Variants in PTPRM observed in about 807,000 individuals in gnomAD.
PTPRM encodes receptor-type tyrosine-protein phosphatase mu.
A neutral mutation model predicts 186.7 loss-of-function variants in PTPRM; 47 were observed. The ratio of observed to expected loss-of-function variants is 0.25; its 90% CI spans 0.20 to 0.32. The LOEUF (loss-of-function observed/expected upper bound fraction) is 0.32. Ranked by LOEUF, PTPRM falls within the 10% of genes least tolerant of loss-of-function variation. The pLI is 1.00. For missense variants in PTPRM, 1,494 were observed against 1,865.0 expected (o/e 0.80, Z 3.66); for synonymous variants, 668 against 674.9 (o/e 0.99, Z 0.16).
At chr18:8,261,452 A>C (rs1212608770) in intron 19 of PTPRM, among the ~76,000 whole-genome samples, 1 of 152,164 alleles carries the variant, frequency 6.6e-6, no homozygotes, top group Non-Finnish European at 1.5e-5. Context: ...TATTTGGGCA[A>C]GTAAGGTGTA....
chr18:7,711,947 G>A (rs919243725), intron 1 of PTPRM, among the ~76,000 whole-genome samples: 1 of 152,186 alleles, frequency 6.6e-6, no homozygotes, highest in African/African-American at 2.4e-5. Context: ...GAACTGAAGA[G>A]AGCAGCAAAT....
intron 1 of PTPRM, among the ~76,000 whole-genome samples, chr18:7,722,431 G>A (rs896275104): frequency 2.0e-5 from 3 of 151,874 alleles, no homozygotes; most frequent in Non-Finnish European, 2.9e-5. Flanking sequence ...ACTGTACACC[G>A]TACACCATCA....
chr18:7,930,595 A>C (rs918048032), intron 5 of PTPRM, among the ~76,000 whole-genome samples: 2 of 152,166 alleles, frequency 1.3e-5, no homozygotes, highest in Non-Finnish European at 2.9e-5. Flanking sequence ...ACTCTACTAT[A>C]CCGTCTTGTT....
intron 14 of PTPRM, among the ~76,000 whole-genome samples, chr18:8,216,272 A>G (rs1020231578): frequency 4.6e-5 from 7 of 152,168 alleles, no homozygotes; most frequent in East Asian, 3.8e-4. Flanking sequence ...AATTGTCCCA[A>G]TGACTTCAAA....
chr18:8,122,780 A>G (rs1306145313), intron 13 of PTPRM, among the ~76,000 whole-genome samples: 1 of 152,202 alleles, frequency 6.6e-6, no homozygotes, highest in African/African-American at 2.4e-5. Flanking sequence ...GGCTGCCAGT[A>G]GTATTAAACG....
intron 1 of PTPRM, among the ~76,000 whole-genome samples, chr18:7,610,471 C>T (rs1156729932): frequency 2.0e-5 from 3 of 151,944 alleles, no homozygotes; most frequent in Non-Finnish European, 4.4e-5. Flanking sequence ...TATTTTTCTT[C>T]AAAAATTTTC....
At chr18:7,707,652 A>G (rs1568042945) in intron 1 of PTPRM, among the ~76,000 whole-genome samples, 1 of 152,072 alleles carries the variant, frequency 6.6e-6, no homozygotes, top group African/African-American at 2.4e-5. Context: ...ATAATAAATA[A>G]TGAATACATA....
At chr18:7,616,678 G>C (rs1421206939) in intron 1 of PTPRM, among the ~76,000 whole-genome samples, 1 of 152,136 alleles carries the variant, frequency 6.6e-6, no homozygotes, top group African/African-American at 2.4e-5. Context: ...TCCCATCCCT[G>C]GCTTGGTTTC....
At chr18:8,115,753 G>A (rs2091931330) in intron 13 of PTPRM, among the ~76,000 whole-genome samples, 1 of 152,108 alleles carries the variant, frequency 6.6e-6, no homozygotes, top group South Asian at 2.1e-4. Flanking sequence ...ACTTTTTGTT[G>A]TTGTTTAACT....
At chr18:8,054,542 G>A (rs2087773631) in intron 7 of PTPRM, among the ~76,000 whole-genome samples, 1 of 151,378 alleles carries the variant, frequency 6.6e-6, no homozygotes, top group Non-Finnish European at 1.5e-5. Flanking sequence ...AGTTTGCCTT[G>A]CATACTTAAA....
At chr18:8,166,859 A>G (rs1376809998) in intron 14 of PTPRM, among the ~76,000 whole-genome samples, 13 of 152,252 alleles carry the variant, frequency 8.5e-5, no homozygotes, top group African/African-American at 1.4e-4. Flanking sequence ...ACTCTGAGCC[A>G]TTATGATACT....
chr18:8,099,080 C>A (rs539733870), intron 11 of PTPRM, among the ~76,000 whole-genome samples: 1 of 152,086 alleles, frequency 6.6e-6, no homozygotes, highest in African/African-American at 2.4e-5. Flanking sequence ...GGAATCTTCT[C>A]TCTTTTATCT....
intron 1 of PTPRM, among the ~76,000 whole-genome samples, chr18:7,646,537 G>C (rs6650627): frequency 6.6e-6 from 1 of 151,896 alleles, no homozygotes. Flanking sequence ...CTTATCTCTC[G>C]TATACTGGAG....
intron 1 of PTPRM, among the ~76,000 whole-genome samples, chr18:7,625,829 C>T (rs899791992): frequency 6.6e-6 from 1 of 152,220 alleles, no homozygotes; most frequent in African/African-American, 2.4e-5. Flanking sequence ...GCAACAGCGC[C>T]TGGCCAAGGG....
At chr18:8,032,551 A>C (rs575926709) in intron 7 of PTPRM, among the ~76,000 whole-genome samples, 90 of 152,308 alleles carry the variant, frequency 5.9e-4, no homozygotes, top group African/African-American at 1.6e-3. Context: ...AGTAATCTAC[A>C]AATTTAATAT....
At chr18:8,234,595 GCTAA>G (rs2147186916) in intron 14 of PTPRM, among the ~76,000 whole-genome samples, 1 of 152,198 alleles carries the variant, frequency 6.6e-6, no homozygotes, top group African/African-American at 2.4e-5. Flanking sequence ...TATGGCATTA[GCTAA>G]CTGAGACTTC....
At chr18:8,340,181 A>C (rs2095466432) in intron 22 of PTPRM, among the ~76,000 whole-genome samples, 1 of 152,324 alleles carries the variant, frequency 6.6e-6, no homozygotes, top group East Asian at 1.9e-4. Flanking sequence ...CCGCGCCTGC[A>C]GGAGAGCGGA....
intron 23 of PTPRM, among the ~76,000 whole-genome samples, chr18:8,358,274 C>G (rs955779244): frequency 6.0e-5 from 9 of 151,074 alleles, no homozygotes; most frequent in African/African-American, 2.2e-4. Context: ...CACACACACA[C>G]ATGCATACAC....
At chr18:7,933,719 A>G (rs2051627019) in intron 5 of PTPRM, among the ~76,000 whole-genome samples, 1 of 152,222 alleles carries the variant, frequency 6.6e-6, no homozygotes, top group South Asian at 2.1e-4. Flanking sequence ...TTGTAGTTAG[A>G]GCAGGAAAAC....
Sources: gnomAD v4.1 joint callset for allele counts (sites outside exome capture counted in the v4.1 genomes callset) on GRCh38, gnomAD v4.1.1 for gene constraint, MANE v1.5 for transcripts, NCBI Gene and HGNC (gene_info 2026-07-23, HGNC 2026-07-21) for gene names.